Variants in DIP2A observed in about 807,000 individuals in gnomAD.
DIP2A encodes the protein disco-interacting protein 2 homolog A.
DIP2A carries 85 observed loss-of-function variants against 177.4 expected under a neutral mutation model. The observed-to-expected ratio is 0.48, with a 90% CI of 0.40 to 0.57. DIP2A has a LOEUF of 0.57. Ranked by LOEUF, DIP2A falls within the 20% of genes least tolerant of loss-of-function variation. The probability of loss-of-function intolerance (pLI) is 0.00; values close to 1 mark genes in which losing one functional copy is unlikely to be tolerated. For missense variants in DIP2A, 1,791 were observed against 2,100.2 expected (o/e 0.85, Z 2.88); for synonymous variants, 886 against 881.8 (o/e 1.00, Z -0.08).
intron 6 of DIP2A, among the ~76,000 whole-genome samples, chr21:46,505,412 T>C (rs759051127): frequency 6.6e-6 from 1 of 151,976 alleles, no homozygotes; most frequent in Non-Finnish European, 1.5e-5. Flanking sequence ...ATCGAGACCA[T>C]CCTGGCTAAC....
rs1270741460 is a variant in DIP2A at position 46,519,989 on chromosome 21, C to T, written c.1102+8375C>T. ...TCCAGGGTTCACGCCATTCTCCTGC[C>T]TCAGCCTCCCAAGTAGCTGGGACTA... On this transcript the variant is annotated intron_variant, in intron 8 of 37. Transcript: ENST00000417564. Among the ~76,000 whole-genome samples the T allele has an allele frequency of 2.0e-5, 3 of 149,192 alleles. No homozygotes were observed. The South Asian group carries it at 6.4e-4, about 32-fold the overall frequency.
At chr21:46,551,109 AC>A (rs1288480229) in intron 23 of DIP2A, among the ~76,000 whole-genome samples, 5 of 152,090 alleles carry the variant, frequency 3.3e-5, no homozygotes, top group African/African-American at 1.2e-4. Context: ...ACATCACATC[AC>A]CCAGTGTCTG....
At chr21:46,464,879 T>C (rs2054675621) in intron 1 of DIP2A, among the ~76,000 whole-genome samples, 1 of 134,766 alleles carries the variant, frequency 7.4e-6, no homozygotes, top group South Asian at 2.5e-4. Context: ...GAATATGAGA[T>C]AGGGAAGTTC....
At chr21:46,561,882 TG>T in intron 34 of DIP2A, 77 bp downstream of exon 34, 3 of 1,587,636 alleles carry the variant, frequency 1.9e-6, no homozygotes, top group Non-Finnish European at 1.7e-6. Context: ...TGGAGGGTGC[TG>T]GGGGCTGCGG....
intron 3 of DIP2A, among the ~76,000 whole-genome samples, chr21:46,496,391 C>G (rs996048361): frequency 2.6e-5 from 4 of 152,104 alleles, no homozygotes; most frequent in Non-Finnish European, 5.9e-5. Context: ...TTATTTTTGT[C>G]CTTATTAGAT....
At chr21:46,475,322 C>G (rs934755692) in intron 1 of DIP2A, among the ~76,000 whole-genome samples, 1 of 152,224 alleles carries the variant, frequency 6.6e-6, no homozygotes, top group Admixed American at 6.5e-5. Flanking sequence ...TATTTATACA[C>G]AAACTTGTTA....
Position 46,490,755 on chromosome 21 carries a change from G to A in DIP2A, c.283+36G>A, listed in dbSNP as rs80349069. The A allele has an allele frequency of 2.3e-3, 3,596 of 1,531,964 alleles. 88 individuals carry two copies. The African/African-American group carries it at 0.045, about 19-fold the overall frequency. 94.9% of individuals were successfully genotyped at this position (1,531,964 alleles called of 1,614,324 possible). ...AGCCTAGGCAGTGGGGAAGGTGGAC[G>A]GGCCTGGAGCCCTTGGACTCTTGCC... On this transcript the variant is annotated intron_variant, in intron 3 of 37. Transcript: ENST00000417564.
intron 21 of DIP2A, 92 bp downstream of exon 21, chr21:46,547,134 T>G: frequency 6.6e-7 from 1 of 1,521,912 alleles, no homozygotes; most frequent in Admixed American, 2.1e-5. Flanking sequence ...CCAGCAAACT[T>G]GAATTCACAA....
Position 46,545,544 on chromosome 21 carries a change from G to A in DIP2A, c.2313+271G>A, listed in dbSNP as rs113309718. 2.6e-5 allele frequency among the ~76,000 whole-genome samples: 4 copies of A among 152,312 alleles called. No homozygotes were observed. The East Asian group carries it at 7.7e-4, about 29-fold the overall frequency. Reference sequence around the variant, plus strand: ...GCATGGGAGGAGGGTGTGTGGGTGCGGCCTGGTGGCCAATAGGAAGGCACT... The same window carrying A: ...GCATGGGAGGAGGGTGTGTGGGTGCAGCCTGGTGGCCAATAGGAAGGCACT... On this transcript the variant is annotated intron_variant, in intron 19 of 37. Coordinates refer to ENST00000417564, the MANE Select transcript of DIP2A (RefSeq NM_015151.4).
downstream of DIP2A, among the ~76,000 whole-genome samples, chr21:46,570,832 A>G (rs796259245): frequency 2.0e-4 from 30 of 152,328 alleles, no homozygotes; most frequent in African/African-American, 6.7e-4. Flanking sequence ...AAGACTTCCT[A>G]AATTTGATGA....
rs60416558 is a variant in DIP2A at position 46,506,726 on chromosome 21, T to TC, written c.784+2237_784+2238insC. On this transcript the variant is annotated intron_variant, in intron 6 of 37. Coordinates refer to ENST00000417564, the MANE Select transcript of DIP2A (RefSeq NM_015151.4). ...TTTTTTTTTTTAATTGTGCTTGTTT[T>TC]TCTTTCTTTCTTTCTTTCTTTCTTT... Among the ~76,000 whole-genome samples, 156 of 58,146 alleles carry TC rather than the reference T, an allele frequency of 2.7e-3. 6 individuals are homozygous for TC. Among genetic ancestry groups the TC allele is most frequent in the Middle Eastern group, 0.011 (1 of 94 alleles). The allele number at this position is 58,146 out of a possible 152,430, so 38.1% of individuals were successfully genotyped here.
At chr21:46,536,740 C>G (rs866740006) in intron 13 of DIP2A, among the ~76,000 whole-genome samples, 9 of 151,974 alleles carry the variant, frequency 5.9e-5, no homozygotes, top group Non-Finnish European at 7.4e-5. Context: ...CCCTTCTCTA[C>G]TAAAAATACA....
intron 1 of DIP2A, among the ~76,000 whole-genome samples, chr21:46,473,743 C>T (rs1421411236): frequency 3.3e-5 from 5 of 152,082 alleles, no homozygotes; most frequent in Admixed American, 6.5e-5. Flanking sequence ...CTCGAACTCC[C>T]GACTTCAAGT....
Position 46,554,154 on chromosome 21 carries a change from A to G in DIP2A, c.3031-15A>G. 1 of 1,612,626 alleles carries G rather than the reference A, an allele frequency of 6.2e-7. No individual in the cohort carries two copies. The highest frequency in any genetic ancestry group is 8.5e-7 in the Non-Finnish European group (1 of 1,179,046). ...CGCACCAGCATACAGATGAGCTCAA[A>G]GATCGCTTTCCTAGGGCACCGTCAC... On this transcript the variant is annotated splice_polypyrimidine_tract_variant and intron_variant, in intron 25 of 37. Coordinates refer to ENST00000417564, the MANE Select transcript of DIP2A (RefSeq NM_015151.4).
chr21:46,583,451 G>A, the DIP2A span, among the ~76,000 whole-genome samples: 2 of 152,132 alleles, frequency 1.3e-5, no homozygotes, highest in African/African-American at 4.8e-5. Flanking sequence ...ACCACCATAT[G>A]CTAGGCTATA....
chr21:46,522,048 A>G (rs1338557710), intron 8 of DIP2A, among the ~76,000 whole-genome samples: 1 of 152,252 alleles, frequency 6.6e-6, no homozygotes, highest in Non-Finnish European at 1.5e-5. Context: ...ACCGTAAAGC[A>G]TTTAGCAAAC....
intron 12 of DIP2A, 53 bp from the exon 13 acceptor site, chr21:46,534,532 T>A (rs917735264): frequency 1.3e-6 from 2 of 1,523,790 alleles, no homozygotes; most frequent in Non-Finnish European, 1.8e-6. Context: ...CCATTCTGTC[T>A]GTTGTCACCT....
chr21:46,468,423 AAAAAAG>A (rs1042311786), intron 1 of DIP2A, among the ~76,000 whole-genome samples: 6 of 152,156 alleles, frequency 3.9e-5, no homozygotes, highest in Admixed American at 1.3e-4. Context: ...AAAAAAAAAA[AAAAAAG>A]AGAGAAAATC....
intron 1 of DIP2A, among the ~76,000 whole-genome samples, chr21:46,482,328 A>G (rs1017068360): frequency 2.0e-5 from 3 of 152,232 alleles, no homozygotes; most frequent in Non-Finnish European, 2.9e-5. Context: ...TGAGATCATG[A>G]TAAAGCTAAA....
Sources: gnomAD v4.1 joint callset for allele counts (sites outside exome capture counted in the v4.1 genomes callset) on GRCh38, gnomAD v4.1.1 for gene constraint, MANE v1.5 for transcripts, NCBI Gene and HGNC (gene_info 2026-07-23, HGNC 2026-07-21) for gene names.